GLCE: variants seen among roughly 807,000 people sequenced by gnomAD.
GLCE encodes glucuronic acid epimerase.
Under a neutral mutation model 47.9 loss-of-function variants are expected in GLCE, and 19 were observed. The observed-to-expected ratio is 0.40, with a 90% CI of 0.28 to 0.58. The LOEUF is 0.58. Ranked by LOEUF, GLCE falls within the 20% of genes least tolerant of loss-of-function variation. GLCE has a pLI of 0.48. For missense variants in GLCE, 556 were observed against 743.3 expected, an observed-to-expected ratio of 0.75 and a Z score of 2.93; for synonymous variants, 245 against 263.4, an observed-to-expected ratio of 0.93 and a Z score of 0.68.
intron 1 of GLCE, among the ~76,000 whole-genome samples, chr15:69,186,649 T>C (rs2051828332): frequency 6.6e-6 from 1 of 152,216 alleles, no homozygotes; most frequent in African/African-American, 2.4e-5. Flanking sequence ...TGCAGCTTTT[T>C]TGAAAGTAGA....
chr15:69,264,977 A>G (rs1237174799), intron 4 of GLCE, among the ~76,000 whole-genome samples: 1 of 151,930 alleles, frequency 6.6e-6, no homozygotes, highest in African/African-American at 2.4e-5. Flanking sequence ...CTCCTATTCT[A>G]TAGGTTGCTT....
At position 69,183,835 on chromosome 15, in the gene GLCE, C is replaced by T. The variant is rs573718466; in HGVS notation, c.-105+23078C>T. On this transcript the variant is annotated intron_variant, in intron 1 of 4. Transcript: ENST00000261858. ...AGAAGACCTACCTTCACATCCAGGC[C>T]CTGTGGTATGAGGAGTTGGGAGGGA... Among the ~76,000 whole-genome samples the T allele has an allele frequency of 6.6e-5, 10 of 152,270 alleles. No individual in the cohort carries two copies. In the East Asian group the frequency reaches 1.2e-3, roughly 18 times the overall value.
At chr15:69,264,372 G>A (rs948133518) in intron 4 of GLCE, among the ~76,000 whole-genome samples, 2 of 151,962 alleles carry the variant, frequency 1.3e-5, no homozygotes, top group African/African-American at 4.8e-5. Flanking sequence ...ATGTGTGTGT[G>A]TATACACACA....
intron 2 of GLCE, among the ~76,000 whole-genome samples, chr15:69,220,925 C>T (rs1044213640): frequency 1.3e-5 from 2 of 152,088 alleles, no homozygotes; most frequent in Non-Finnish European, 2.9e-5. Context: ...ATGTTTAAGT[C>T]TTTCATCTAT....
intron 1 of GLCE, among the ~76,000 whole-genome samples, chr15:69,167,661 T>A (rs925904191): frequency 5.3e-5 from 8 of 152,148 alleles, no homozygotes; most frequent in South Asian, 4.1e-4. Flanking sequence ...TGCAAGGTAG[T>A]GTATAAAGAT....
intron 2 of GLCE, among the ~76,000 whole-genome samples, chr15:69,216,147 A>G (rs2052304470): frequency 2.0e-5 from 3 of 152,152 alleles, no homozygotes; most frequent in African/African-American, 7.2e-5. Context: ...AATCTATCCA[A>G]AGATTACATC....
At chr15:69,183,490 T>C (rs1229472171) in intron 1 of GLCE, among the ~76,000 whole-genome samples, 2 of 152,226 alleles carry the variant, frequency 1.3e-5, no homozygotes, top group African/African-American at 4.8e-5. Context: ...ACATGCTGTG[T>C]GGGCTCTAGA....
At chr15:69,258,669 A>G (rs2052969939) in intron 3 of GLCE, among the ~76,000 whole-genome samples, 1 of 152,202 alleles carries the variant, frequency 6.6e-6, no homozygotes, top group Non-Finnish European at 1.5e-5. Context: ...ATGTATAATA[A>G]TCATCACATC....
chr15:69,171,590 G>A (rs1160335736), intron 1 of GLCE, among the ~76,000 whole-genome samples: 1 of 151,934 alleles, frequency 6.6e-6, no homozygotes, highest in African/African-American at 2.4e-5. Context: ...TAGAGACGGG[G>A]TTTCATTATG....
intron 1 of GLCE, among the ~76,000 whole-genome samples, chr15:69,184,553 A>G (rs2051795846): frequency 6.6e-6 from 1 of 152,238 alleles, no homozygotes; most frequent in Non-Finnish European, 1.5e-5. Flanking sequence ...TTCATCAGCT[A>G]CATGTATTAT....
At chr15:69,257,723 AT>A (rs2052947558) in intron 3 of GLCE, among the ~76,000 whole-genome samples, 1 of 152,018 alleles carries the variant, frequency 6.6e-6, no homozygotes, top group Admixed American at 6.6e-5. Context: ...AATTATTATT[AT>A]TTTTATATAT....
chr15:69,188,159 T>C (rs923494065), intron 1 of GLCE, among the ~76,000 whole-genome samples: 2 of 152,000 alleles, frequency 1.3e-5, no homozygotes, highest in Admixed American at 1.3e-4. Context: ...AGAGAATCAC[T>C]TGAACTGGGA....
At chr15:69,261,792 T>C (rs1479898149) in intron 4 of GLCE, among the ~76,000 whole-genome samples, 2 of 152,248 alleles carry the variant, frequency 1.3e-5, no homozygotes, top group Non-Finnish European at 2.9e-5. Flanking sequence ...GTTTCCCATA[T>C]TGGATTTTGT....
chr15:69,217,584 T>A (rs2052323805), intron 2 of GLCE, among the ~76,000 whole-genome samples: 1 of 152,104 alleles, frequency 6.6e-6, no homozygotes. Context: ...TGAAACATAA[T>A]AAAGTGGCAC....
rs142572089 is a variant in GLCE at position 69,236,464 on chromosome 15, G to T, written c.-13-19330G>T. ...AAAAAATTAGCATGTAGTAGTAGTA[G>T]TAGGAAATAAATGACATAAAAAGTG... On this transcript the variant is annotated intron_variant, in intron 2 of 4. Coordinates refer to ENST00000261858, the MANE Select transcript of GLCE (RefSeq NM_015554.3). Among the ~76,000 whole-genome samples the T allele has an allele frequency of 4.7e-4, 72 of 152,266 alleles. 1 individual carries two copies. The highest frequency in any genetic ancestry group is 1.7e-3 in the African/African-American group (70 of 41,540).
In GLCE at chr15:69,267,843, C is replaced by CTTT. The variant is rs34922164; in HGVS notation, c.830-365_830-363dup. 3.1e-3 allele frequency among the ~76,000 whole-genome samples: 429 copies of CTTT among 140,468 alleles called. 7 individuals carry two copies. Among genetic ancestry groups the CTTT allele is most frequent in the South Asian group, 0.016 (74 of 4,498 alleles). 92.2% of individuals were successfully genotyped at this position (140,468 alleles called of 152,430 possible). On this transcript the variant is annotated intron_variant, in intron 4 of 4. Transcript: ENST00000261858. ...TATTATGTGCTGAGCCAGGTTTTGGCTTTTTTTTTTTTTTCTGTTTGCAGA... is the reference window on the plus strand; with the variant it reads ...TATTATGTGCTGAGCCAGGTTTTGGCTTTTTTTTTTTTTTTTTCTGTTTGCAGA...
At chr15:69,266,418 C>T (rs1164544000) in intron 4 of GLCE, among the ~76,000 whole-genome samples, 2 of 152,082 alleles carry the variant, frequency 1.3e-5, no homozygotes, top group African/African-American at 4.8e-5. Context: ...CCTTAAACTC[C>T]TGGGCTCAAG....
Position 69,268,766 on chromosome 15 carries a change from T to A in GLCE, c.1376T>A (p.Leu459Gln). 1 of 1,614,174 alleles carries A rather than the reference T, an allele frequency of 6.2e-7. No homozygotes were observed. Among genetic ancestry groups the A allele is most frequent in the Non-Finnish European group, 8.5e-7 (1 of 1,179,998 alleles). ...QAISTLVRAY[L>Q]LTKDHIFLNS... is the part of the protein sequence containing the mutation. ...ATTTCTACATTAGTCAGGGCCTATC[T>A]GTTAACAAAAGACCATATATTCCTC... The change falls in exon 5 of 5, where the codon CTG (leucine) becomes CAG (glutamine). Residue 459 changes from leucine to glutamine, a missense_variant. Physicochemically the swap from Leu to Gln is moderately radical, Grantham distance 113. Transcript: ENST00000261858.
chr15:69,200,228 C>T (rs1196842425), intron 1 of GLCE, among the ~76,000 whole-genome samples: 3 of 152,046 alleles, frequency 2.0e-5, no homozygotes, highest in South Asian at 2.1e-4. Flanking sequence ...TACTGTTAAA[C>T]AGATTGTTTA....
Sources: gnomAD v4.1 joint callset for allele counts (sites outside exome capture counted in the v4.1 genomes callset) on GRCh38, gnomAD v4.1.1 for gene constraint, MANE v1.5 for transcripts, NCBI Gene and HGNC (gene_info 2026-07-23, HGNC 2026-07-21) for gene names.